Variants in LPAR1 observed in about 807,000 individuals in gnomAD.
The protein encoded by LPAR1 is LPA receptor 1.
LPAR1 carries 5 observed loss-of-function variants against 23.8 expected under a neutral mutation model. The ratio of observed to expected loss-of-function variants is 0.21; its 90% CI spans 0.11 to 0.44. LPAR1 has a LOEUF of 0.44. LPAR1 is among the 20% of genes least tolerant of loss of function. LPAR1 has a pLI of 0.99. For missense variants in LPAR1, 311 were observed against 482.8 expected, an observed-to-expected ratio of 0.64 and a Z score of 3.33; for synonymous variants, 160 against 164.7, an observed-to-expected ratio of 0.97 and a Z score of 0.22.
chr9:110,904,902 A>G (rs758423609), intron 5 of LPAR1, among the ~76,000 whole-genome samples: 5 of 152,226 alleles, frequency 3.3e-5, no homozygotes, highest in Non-Finnish European at 7.3e-5. Flanking sequence ...AGGATATTGT[A>G]TGACACACTC....
At chr9:111,030,045 C>CAAA (rs56962960) in intron 2 of LPAR1, among the ~76,000 whole-genome samples, 35 of 75,194 alleles carry the variant, frequency 4.7e-4, no homozygotes, top group African/African-American at 1.4e-3. Flanking sequence ...GGCTCTGCCT[C>CAAA]AAAAAAAAAA....
intron 5 of LPAR1, among the ~76,000 whole-genome samples, chr9:110,929,266 A>T (rs2094238896): frequency 6.6e-6 from 1 of 152,204 alleles, no homozygotes; most frequent in Non-Finnish European, 1.5e-5. Flanking sequence ...ATCTTCACTA[A>T]AATACATGAA....
At position 111,005,756 on chromosome 9, in the gene LPAR1, T is replaced by TA. The variant is rs749820208; in HGVS notation, c.-182+30365dup. Among the ~76,000 whole-genome samples, 60 of 152,150 alleles carry TA rather than the reference T, an allele frequency of 3.9e-4. 1 individual carries two copies. The highest frequency in any genetic ancestry group is 6.0e-4 in the Non-Finnish European group (41 of 68,008). ...GCCTTCCATATTCTGTTTTCACAAT[T>TA]AAAATGCCTTCTTCCACTGCCTATC... On this transcript the variant is annotated intron_variant, in intron 2 of 5. Transcript: ENST00000683809.
intron 2 of LPAR1, among the ~76,000 whole-genome samples, chr9:110,991,902 T>C (rs1472862555): frequency 6.6e-6 from 1 of 152,080 alleles, no homozygotes; most frequent in Admixed American, 6.6e-5. Flanking sequence ...CAACAGAACC[T>C]TTCTGAAAGA....
intron 5 of LPAR1, among the ~76,000 whole-genome samples, chr9:110,894,464 C>A (rs890272055): frequency 3.9e-5 from 6 of 152,162 alleles, no homozygotes; most frequent in Admixed American, 1.3e-4. Context: ...CTAATGGGTT[C>A]CCTTCATTTC....
intron 2 of LPAR1, among the ~76,000 whole-genome samples, chr9:111,000,806 G>A (rs978581676): frequency 2.0e-5 from 3 of 152,198 alleles, no homozygotes; most frequent in Non-Finnish European, 2.9e-5. Context: ...TTACGAAGTG[G>A]AAGGAAGCTT....
chr9:110,933,657 T>C (rs2094526435), intron 5 of LPAR1, among the ~76,000 whole-genome samples: 1 of 152,186 alleles, frequency 6.6e-6, no homozygotes, highest in South Asian at 2.1e-4. Flanking sequence ...TCACCACAAT[T>C]CATTTAAGAA....
chr9:110,929,309 G>C (rs1353273340), intron 5 of LPAR1, among the ~76,000 whole-genome samples: 1 of 152,128 alleles, frequency 6.6e-6, no homozygotes, highest in African/African-American at 2.4e-5. Flanking sequence ...ACAGGCTCTA[G>C]TTAGGCCTCA....
intron 4 of LPAR1, among the ~76,000 whole-genome samples, chr9:110,946,714 G>A (rs950720276): frequency 1.3e-5 from 2 of 151,710 alleles, no homozygotes; most frequent in Admixed American, 1.3e-4. Context: ...CAAGACCCTG[G>A]CAGCAAGCAT....
intron 5 of LPAR1, among the ~76,000 whole-genome samples, chr9:110,932,877 CA>C (rs1396775625): frequency 1.3e-5 from 2 of 152,170 alleles, no homozygotes; most frequent in South Asian, 4.1e-4. Flanking sequence ...TTCCTGGGGC[CA>C]AAAAGGTTGG....
Position 111,035,858 on chromosome 9 carries a change from A to T in LPAR1, c.-182+264T>A, listed in dbSNP as rs1166910880. 2.0e-5 allele frequency among the ~76,000 whole-genome samples: 3 copies of T among 152,206 alleles called. No individual in the cohort carries two copies. In the East Asian group the frequency reaches 5.8e-4, roughly 29 times the overall value. On this transcript the variant is annotated intron_variant, in intron 2 of 5. Coordinates refer to ENST00000683809, the MANE Select transcript of LPAR1 (RefSeq NM_001351411.2). ...ATACAGTGTATTCTGCCCAGATTGC[A>T]ACTTTCCATACTAAGCATTTGAAAT... is the stretch of plus-strand genomic sequence containing the variant.
intron 5 of LPAR1, among the ~76,000 whole-genome samples, chr9:110,883,008 G>T (rs1209324255): frequency 6.6e-6 from 1 of 152,000 alleles, no homozygotes; most frequent in Non-Finnish European, 1.5e-5. Context: ...TCTTGTTTGG[G>T]GGCTACTGTA....
intron 5 of LPAR1, among the ~76,000 whole-genome samples, chr9:110,881,327 T>C (rs972319347): frequency 2.0e-5 from 3 of 152,192 alleles, no homozygotes; most frequent in African/African-American, 7.2e-5. Context: ...ATTTATCTTT[T>C]AGAGAAGGAT....
Position 110,874,318 on chromosome 9 carries a change from T to C in LPAR1, c.*1103A>G, listed in dbSNP as rs1341963189. On this transcript the variant is annotated 3_prime_UTR_variant, in exon 6 of 6. Coordinates refer to ENST00000683809, the MANE Select transcript of LPAR1 (RefSeq NM_001351411.2). ...ATTAAAATTATGTTTTTGTAAAATT[T>C]TTAATGCCATAAGAAAATGTGGCAA... 2.6e-5 allele frequency: 4 copies of C among 152,598 alleles called. No individual in the cohort carries two copies. The highest frequency in any genetic ancestry group is 5.9e-5 in the Non-Finnish European group (4 of 68,030). 9.5% of individuals were successfully genotyped at this position (152,598 alleles called of 1,614,324 possible). A position where few individuals can be genotyped will look rare whatever the true frequency, so the allele number is the denominator to read the frequency against.
intron 5 of LPAR1, among the ~76,000 whole-genome samples, chr9:110,883,325 C>G (rs568740090): frequency 6.6e-6 from 1 of 152,126 alleles, no homozygotes; most frequent in Non-Finnish European, 1.5e-5. Flanking sequence ...CATGAGCCAC[C>G]GTGCCCGGCC....
chr9:110,992,285 T>G (rs1054111894), intron 2 of LPAR1, among the ~76,000 whole-genome samples: 1 of 152,056 alleles, frequency 6.6e-6, no homozygotes, highest in Non-Finnish European at 1.5e-5. Context: ...AAATGCAAAT[T>G]AAAACCACAA....
chr9:110,881,030 T>C (rs1469402329), intron 5 of LPAR1, among the ~76,000 whole-genome samples: 1 of 152,222 alleles, frequency 6.6e-6, no homozygotes, highest in Non-Finnish European at 1.5e-5. Flanking sequence ...TGGGGGTGTA[T>C]GTGGATGGCT....
chr9:110,960,715 T>C (rs2095938957), intron 4 of LPAR1, among the ~76,000 whole-genome samples: 2 of 152,190 alleles, frequency 1.3e-5, no homozygotes, highest in African/African-American at 2.4e-5. Flanking sequence ...GGAGGGAATG[T>C]TAATTTACTC....
At chr9:110,885,121 T>C (rs374820622) in intron 5 of LPAR1, among the ~76,000 whole-genome samples, 1 of 152,312 alleles carries the variant, frequency 6.6e-6, no homozygotes, top group East Asian at 1.9e-4. Flanking sequence ...CATAGTAATA[T>C]GTACTAATTT....
Sources: allele counts gnomAD v4.1 joint callset (sites outside exome capture counted in the v4.1 genomes callset), GRCh38; gene constraint gnomAD v4.1.1; transcripts MANE v1.5; gene names NCBI Gene and HGNC (gene_info 2026-07-23, HGNC 2026-07-21).